Variants in EYS observed in about 807,000 individuals in gnomAD.
EYS encodes protein eyes shut homolog.
EYS carries 250 observed loss-of-function variants against 282.1 expected under a neutral mutation model. That is an observed-to-expected ratio of 0.89 (90% CI 0.80 to 0.98). The LOEUF (loss-of-function observed/expected upper bound fraction) is 0.98. EYS is among the 50% of genes least tolerant of loss of function. EYS has a pLI of 0.00. For missense variants in EYS, 4,016 were observed against 3,709.0 expected (o/e 1.08, Z -2.15); for synonymous variants, 1,355 against 1,282.9 (o/e 1.06, Z -1.20).
chr6:65,442,732 T>G lies in EYS; in HGVS notation c.863-37365A>C, dbSNP rs1002515030. ...TTGTGCCACTGCACTCCAGGCTGGG[T>G]GACAGAGCGAGACTCCATCTCAAAA... On this transcript the variant is annotated intron_variant, in intron 5 of 42. Transcript: ENST00000503581. 1.3e-5 allele frequency among the ~76,000 whole-genome samples: 2 copies of G among 150,628 alleles called. 1 individual carries two copies. Among genetic ancestry groups the G allele is most frequent in the Non-Finnish European group, 2.9e-5 (2 of 67,810 alleles).
Position 65,641,089 on chromosome 6 carries a change from A to G in EYS, c.-447-1197T>C, listed in dbSNP as rs77330621. ...GTGTAAACTTAGCTTAGCTAGAAAT[A>G]TGTTTTCCATATGTGCTTCCCTATA... On this transcript the variant is annotated intron_variant, in intron 1 of 42. Transcript: ENST00000503581. 3.0e-3 allele frequency among the ~76,000 whole-genome samples: 454 copies of G among 152,266 alleles called. 3 individuals carry two copies. Among genetic ancestry groups the G allele is most frequent in the African/African-American group, 0.01 (434 of 41,546 alleles).
In EYS at chr6:64,886,840, A is replaced by T. The variant is rs1437128373; in HGVS notation, c.2849T>A (p.Phe950Tyr). Residue 950 changes from phenylalanine to tyrosine, a missense_variant and splice_region_variant, in exon 19 of 43, where the codon TTT (phenylalanine) becomes TAT (tyrosine). Transcript: ENST00000503581. ...GTACTCAGGTTCACAATTACAAAAA[A>T]ATCTGGAGAAAAGTGGAGAAATGAG... ...NGTCVDLTNR[F>Y]FCNCEPEYHG... 1 of 1,515,198 alleles carries T rather than the reference A, an allele frequency of 6.6e-7. No homozygotes were observed. Among genetic ancestry groups the T allele is most frequent in the Admixed American group, 2.2e-5 (1 of 45,120 alleles). The allele number at this position is 1,515,198 out of a possible 1,614,324, so 93.9% of individuals were successfully genotyped here.
intron 36 of EYS, among the ~76,000 whole-genome samples, chr6:63,862,246 T>A (rs1328484334): frequency 6.6e-6 from 1 of 152,194 alleles, no homozygotes; most frequent in East Asian, 1.9e-4. Context: ...TTTGAGCCAT[T>A]TTTATTTTCT....
At chr6:64,341,362 C>T (rs754943548) in intron 29 of EYS, among the ~76,000 whole-genome samples, 3 of 151,614 alleles carry the variant, frequency 2.0e-5, no homozygotes, top group Non-Finnish European at 4.4e-5. Flanking sequence ...ATTACATGGC[C>T]ATAAAAAAGA....
chr6:65,262,751 A>T lies in EYS; in HGVS notation c.2023+33112T>A, dbSNP rs568604974. ...AGTACACATTGTGTGTTTGAGATGC[A>T]CTAGTTAGGTTCATTTAAAGCTCAT... On this transcript the variant is annotated intron_variant, in intron 12 of 42. Coordinates refer to ENST00000503581, the MANE Select transcript of EYS (RefSeq NM_001142800.2). Among the ~76,000 whole-genome samples the T allele has an allele frequency of 2.0e-5, 3 of 152,114 alleles. 1 individual carries two copies. In the South Asian group the frequency reaches 6.2e-4, roughly 32 times the overall value.
intron 35 of EYS, among the ~76,000 whole-genome samples, chr6:63,888,302 G>T (rs944516110): frequency 3.9e-5 from 6 of 152,234 alleles, no homozygotes; most frequent in Admixed American, 3.9e-4. Flanking sequence ...GGGACAGACT[G>T]CCTCCTCAAA....
At chr6:63,884,835 CT>C (rs58381750) in intron 35 of EYS, among the ~76,000 whole-genome samples, 81 of 148,998 alleles carry the variant, frequency 5.4e-4, no homozygotes, top group East Asian at 1.6e-3. Flanking sequence ...CTTCAATACA[CT>C]TTTTTTTTTG....
intron 19 of EYS, among the ~76,000 whole-genome samples, chr6:64,875,224 T>G (rs1325418267): frequency 6.6e-6 from 1 of 151,914 alleles, no homozygotes; most frequent in Non-Finnish European, 1.5e-5. Context: ...TTTGCACCAA[T>G]TTGTGTGTGT....
At chr6:65,677,691 A>AAT (rs1217305991) in intron 1 of EYS, among the ~76,000 whole-genome samples, 5 of 151,982 alleles carry the variant, frequency 3.3e-5, no homozygotes, top group African/African-American at 1.2e-4. Context: ...ATTTTTCAGA[A>AAT]ATAGACAAAA....
chr6:65,411,636 C>G (rs879383858), intron 5 of EYS, among the ~76,000 whole-genome samples: 1 of 151,882 alleles, frequency 6.6e-6, no homozygotes, highest in Admixed American at 6.6e-5. Flanking sequence ...ACTTCTCTGC[C>G]CTCTACCATT....
intron 13 of EYS, among the ~76,000 whole-genome samples, chr6:65,009,112 T>G (rs922530159): frequency 6.6e-6 from 1 of 152,080 alleles, no homozygotes; most frequent in Non-Finnish European, 1.5e-5. Context: ...AGGAAGGAAT[T>G]AATCCTAAAG....
intron 31 of EYS, among the ~76,000 whole-genome samples, chr6:64,154,399 C>A (rs1774844849): frequency 7.2e-6 from 1 of 139,788 alleles, no homozygotes; most frequent in South Asian, 2.2e-4. Context: ...GAGATCACAC[C>A]ATTGTACTCC....
At chr6:64,917,110 G>A (rs566589673) in intron 15 of EYS, among the ~76,000 whole-genome samples, 1 of 152,090 alleles carries the variant, frequency 6.6e-6, no homozygotes, top group South Asian at 2.1e-4. Flanking sequence ...TTACCCAGGC[G>A]TGGCAGCACG....
chr6:65,609,855 A>G (rs1765930052), intron 2 of EYS, among the ~76,000 whole-genome samples: 1 of 152,110 alleles, frequency 6.6e-6, no homozygotes, highest in Admixed American at 6.6e-5. Context: ...TAGGCCACAT[A>G]TCATGTGTCT....
chr6:64,852,610 T>C (rs1260193160), intron 19 of EYS, among the ~76,000 whole-genome samples: 2 of 152,156 alleles, frequency 1.3e-5, no homozygotes, highest in African/African-American at 4.8e-5. Context: ...TGTTTGTAGA[T>C]GTAATAAAGT....
intron 8 of EYS, among the ~76,000 whole-genome samples, chr6:65,373,427 G>A (rs1005967758): frequency 5.9e-5 from 9 of 151,908 alleles, no homozygotes; most frequent in Non-Finnish European, 1.2e-4. Context: ...TCTGCTGCTT[G>A]GGAAAGCCTC....
chr6:64,326,334 C>G (rs913966071), intron 29 of EYS, among the ~76,000 whole-genome samples: 2 of 152,086 alleles, frequency 1.3e-5, no homozygotes, highest in Admixed American at 6.6e-5. Context: ...TGCTTACCTC[C>G]CTAGCATGCC....
At chr6:64,957,915 A>T (rs1026728421) in intron 14 of EYS, among the ~76,000 whole-genome samples, 2 of 152,158 alleles carry the variant, frequency 1.3e-5, no homozygotes, top group Non-Finnish European at 2.9e-5. Flanking sequence ...TAGTTCATTT[A>T]ATCACCTGGT....
intron 30 of EYS, among the ~76,000 whole-genome samples, chr6:64,300,339 G>T (rs769134403): frequency 6.6e-6 from 1 of 152,146 alleles, no homozygotes. Flanking sequence ...CACTGCTGCC[G>T]TCTAGCTCCG....
Sources: allele counts gnomAD v4.1 joint callset (sites outside exome capture counted in the v4.1 genomes callset), GRCh38; gene constraint gnomAD v4.1.1; transcripts MANE v1.5; gene names NCBI Gene and HGNC (gene_info 2026-07-23, HGNC 2026-07-21).